The following TMEM62 variants were observed in gnomAD, a reference collection of about 807,000 sequenced individuals.
TMEM62 encodes the protein transmembrane protein 62.
Under a neutral mutation model 70.4 loss-of-function variants are expected in TMEM62, and 41 were observed. That is an observed-to-expected ratio of 0.58 (90% confidence interval 0.45 to 0.76). The LOEUF (loss-of-function observed/expected upper bound fraction) is 0.76, where lower values mean the gene tolerates loss of function less well. Ranked by LOEUF, TMEM62 falls within the 30% of genes least tolerant of loss-of-function variation. TMEM62 has a pLI of 0.00. For missense variants in TMEM62, 688 were observed against 788.5 expected, an observed-to-expected ratio of 0.87 and a Z score of 1.53; for synonymous variants, 268 against 291.0, an observed-to-expected ratio of 0.92 and a Z score of 0.80.
In TMEM62 at chr15:43,167,309, C is replaced by G. The variant is rs912690079; in HGVS notation, c.1297-2284C>G. Reference sequence around the variant, plus strand: ...GGACGGGGTGGCTGCCGGGCGGAGACGCTCCTCACTTCCCAGACGGGGTGG... The same window carrying G: ...GGACGGGGTGGCTGCCGGGCGGAGAGGCTCCTCACTTCCCAGACGGGGTGG... On this transcript the variant is annotated intron_variant, in intron 10 of 13. Transcript: ENST00000260403. Among the ~76,000 whole-genome samples the G allele has an allele frequency of 4.7e-5, 7 of 150,070 alleles. No individual in the cohort carries two copies. The South Asian group carries it at 8.5e-4, about 18-fold the overall frequency.
intron 8 of TMEM62, among the ~76,000 whole-genome samples, chr15:43,153,026 CAG>C (rs1463036052): frequency 2.0e-5 from 3 of 152,142 alleles, no homozygotes; most frequent in African/African-American, 7.2e-5. Context: ...GAATGTACCA[CAG>C]TTTTTCTAAC....
Position 43,134,256 on chromosome 15 carries a change from G to C in TMEM62, c.181-1G>C, listed in dbSNP as rs766435522. The C allele has an allele frequency of 1.2e-6, 2 of 1,614,010 alleles. No homozygotes were observed. Among genetic ancestry groups the C allele is most frequent in the Admixed American group, 3.3e-5 (2 of 60,016 alleles). On this transcript the variant is annotated splice_acceptor_variant, in intron 1 of 13. Transcript: ENST00000260403. LOFTEE classifies it high-confidence loss of function. ...CTCTGTTCAATACCTGTTTTCGGCA[G>C]ATATCCGACATTCACCTGAGCAGGT...
intron 4 of TMEM62, 156 bp from the exon 5 acceptor site, chr15:43,146,337 T>G: frequency 4.6e-6 from 3 of 650,972 alleles, no homozygotes; most frequent in South Asian, 3.4e-5. Context: ...ACTTTGAAAT[T>G]TCATCAGTTT....
At chr15:43,162,433 C>CTTTTTTTT (rs1169921008) in intron 10 of TMEM62, among the ~76,000 whole-genome samples, 8 of 137,024 alleles carry the variant, frequency 5.8e-5, no homozygotes, top group African/African-American at 2.5e-4. Context: ...GCCCCTGGCC[C>CTTTTTTTT]TTTTTTTTTT....
At chr15:43,146,734 G>A (rs1444101953) in intron 5 of TMEM62, 100 bp downstream of exon 5, 1 of 1,072,654 alleles carries the variant, frequency 9.3e-7, no homozygotes, top group Non-Finnish European at 1.3e-6. Flanking sequence ...TGTTATCTAG[G>A]AATGCTTTGG....
Position 43,177,631 on chromosome 15 carries a change from G to A in TMEM62, c.1382-976G>A, listed in dbSNP as rs2040891126. Among the ~76,000 whole-genome samples, 3 of 152,216 alleles carry A rather than the reference G, an allele frequency of 2.0e-5. No homozygotes were observed. In the South Asian group the frequency reaches 6.2e-4, roughly 32 times the overall value. ...GTCCAACAACGATAGACTGGATTAA[G>A]AAAATGTGGCACATATACACCATGG... On this transcript the variant is annotated intron_variant, in intron 11 of 13. Transcript: ENST00000260403.
intron 10 of TMEM62, among the ~76,000 whole-genome samples, chr15:43,167,480 C>T (rs978261418): frequency 3.3e-4 from 50 of 151,892 alleles, no homozygotes; most frequent in African/African-American, 1.1e-3. Flanking sequence ...CCTCACATCC[C>T]GGACGGGGCG....
chr15:43,168,132 G>A (rs1036963796), intron 10 of TMEM62, among the ~76,000 whole-genome samples: 8 of 144,112 alleles, frequency 5.6e-5, no homozygotes, highest in Non-Finnish European at 1.2e-4. Flanking sequence ...GGGAGAGGGA[G>A]ACCGTGGGGA....
At chr15:43,173,632 T>G (rs1364595661) in intron 11 of TMEM62, among the ~76,000 whole-genome samples, 2 of 152,312 alleles carry the variant, frequency 1.3e-5, no homozygotes, top group African/African-American at 4.8e-5. Flanking sequence ...TTTTCTAAAC[T>G]TATCTAAATC....
intron 8 of TMEM62, among the ~76,000 whole-genome samples, chr15:43,152,946 T>A (rs1375865671): frequency 1.3e-5 from 2 of 152,222 alleles, no homozygotes; most frequent in Non-Finnish European, 2.9e-5. Flanking sequence ...TCTCTTAAGA[T>A]GTTTTTATAT....
chr15:43,160,899 C>A, intron 10 of TMEM62, 105 bp downstream of exon 10: 1 of 524,296 alleles, frequency 1.9e-6, no homozygotes, highest in East Asian at 3.2e-5. Flanking sequence ...TTTCAGTTAC[C>A]GAAGGTCATC....
chr15:43,163,095 A>G (rs2038954186), intron 10 of TMEM62, among the ~76,000 whole-genome samples: 1 of 151,858 alleles, frequency 6.6e-6, no homozygotes, highest in Admixed American at 6.6e-5. Context: ...AGTTTTTAAT[A>G]TACACTGTTA....
rs567663919 is a variant in TMEM62, at chr15:43,138,327, A to G, written c.431-247A>G. Among the ~76,000 whole-genome samples, 218 of 152,052 alleles carry G rather than the reference A, an allele frequency of 1.4e-3. 2 individuals are homozygous for G. The highest frequency in any genetic ancestry group is 4.6e-3 in the Admixed American group (70 of 15,270). On this transcript the variant is annotated intron_variant, in intron 3 of 13. Coordinates refer to ENST00000260403, the MANE Select transcript of TMEM62 (RefSeq NM_024956.4). Reference sequence around the variant, plus strand: ...CAGGGGCTGAGTCTACCCTTTCCTTAGGCTAAGCACTTCTAGGTGGGGGAA... The same window carrying G: ...CAGGGGCTGAGTCTACCCTTTCCTTGGGCTAAGCACTTCTAGGTGGGGGAA...
chr15:43,170,664 A>C (rs1179550825), intron 11 of TMEM62, among the ~76,000 whole-genome samples: 6 of 152,242 alleles, frequency 3.9e-5, no homozygotes, highest in Admixed American at 3.9e-4. Context: ...CCAAAAAAGT[A>C]AAGAAAAAAA....
intron 10 of TMEM62, among the ~76,000 whole-genome samples, chr15:43,163,962 T>G (rs778283451): frequency 4.3e-4 from 65 of 152,206 alleles, no homozygotes; most frequent in Non-Finnish European, 8.5e-4. Context: ...GAATGACTTC[T>G]TGAGAAGAAA....
chr15:43,134,417 G>T, intron 2 of TMEM62, 49 bp downstream of exon 2: 1 of 1,452,718 alleles, frequency 6.9e-7, no homozygotes, highest in African/African-American at 1.4e-5. Context: ...CCGCATGGTA[G>T]AACTCTAGCC....
intron 10 of TMEM62, among the ~76,000 whole-genome samples, chr15:43,167,649 C>G (rs1310914828): frequency 6.7e-6 from 1 of 148,222 alleles, no homozygotes; most frequent in East Asian, 2.0e-4. Context: ...ACTGGGCAGC[C>G]AGGCAGAGGG....
intron 10 of TMEM62, among the ~76,000 whole-genome samples, chr15:43,166,081 A>G (rs913685941): frequency 1.3e-5 from 2 of 152,200 alleles, no homozygotes; most frequent in African/African-American, 2.4e-5. Context: ...CAGGTATTCA[A>G]AGAATTGAGG....
intron 10 of TMEM62, among the ~76,000 whole-genome samples, chr15:43,168,212 A>AGAGGGAGAGGGG: frequency 6.8e-6 from 1 of 147,256 alleles, no homozygotes; most frequent in African/African-American, 2.6e-5. Flanking sequence ...AGGGAGAGGG[A>AGAGGGAGAGGGG]GAGGGGTCTT....
Sources: gnomAD v4.1 joint callset for allele counts (sites outside exome capture counted in the v4.1 genomes callset) on GRCh38, gnomAD v4.1.1 for gene constraint, MANE v1.5 for transcripts, NCBI Gene and HGNC (gene_info 2026-07-23, HGNC 2026-07-21) for gene names.